PDE4D: variants seen among roughly 807,000 people sequenced by gnomAD.
The protein encoded by PDE4D is 3',5'-cyclic-AMP phosphodiesterase 4D.
Under a neutral mutation model 87.4 loss-of-function variants are expected in PDE4D, and 24 were observed. That is an observed-to-expected ratio of 0.27 (90% CI 0.20 to 0.39). PDE4D has a LOEUF of 0.39. Ranked by LOEUF, PDE4D falls within the 10% of genes least tolerant of loss-of-function variation. The pLI, the probability that PDE4D is intolerant of heterozygous loss-of-function variation, is 1.00. For missense variants in PDE4D, 714 were observed against 1,041.0 expected, an observed-to-expected ratio of 0.69 and a Z score of 4.32; for synonymous variants, 384 against 383.2, an observed-to-expected ratio of 1.00 and a Z score of -0.02.
chr5:60,337,351 C>CTATATATATATATATATATA (rs748923956), intron 1 of PDE4D, among the ~76,000 whole-genome samples: 16 of 62,248 alleles, frequency 2.6e-4, no homozygotes, highest in African/African-American at 2.9e-4. Context: ...AACAAACAAA[C>CTATATATATATATATATATA]TATATATATA....
At chr5:59,504,264 T>G (rs113412468) in intron 1 of PDE4D, among the ~76,000 whole-genome samples, 5,344 of 152,296 alleles carry the variant, frequency 0.035, 161 homozygotes, top group Admixed American at 0.083. Flanking sequence ...TTTCATAATA[T>G]AGTTGAACAA....
intron 2 of PDE4D, among the ~76,000 whole-genome samples, chr5:60,157,511 C>T (rs992888475): frequency 6.6e-6 from 1 of 152,056 alleles, no homozygotes; most frequent in African/African-American, 2.4e-5. Flanking sequence ...GAGGAGGGTG[C>T]TATTTCAGAC....
At chr5:60,196,241 A>G (rs376865395) in intron 1 of PDE4D, among the ~76,000 whole-genome samples, 3 of 151,818 alleles carry the variant, frequency 2.0e-5, no homozygotes, top group East Asian at 3.9e-4. Context: ...GGCACAGTTC[A>G]GTCATTGAGC....
intron 1 of PDE4D, among the ~76,000 whole-genome samples, chr5:59,455,210 C>T (rs1799733394): frequency 6.6e-6 from 1 of 152,210 alleles, no homozygotes; most frequent in East Asian, 1.9e-4. Context: ...TTCATGGCAG[C>T]CCCTCTCATC....
intron 1 of PDE4D, among the ~76,000 whole-genome samples, chr5:59,812,672 C>CA (rs34526503): frequency 0.25 from 34,808 of 138,172 alleles, 4,660 homozygotes; most frequent in Admixed American, 0.35. Flanking sequence ...GACTCCATCT[C>CA]AAAAAAAAAA....
At chr5:60,355,692 T>C (rs912303729) in intron 1 of PDE4D, among the ~76,000 whole-genome samples, 17 of 151,784 alleles carry the variant, frequency 1.1e-4, no homozygotes, top group Non-Finnish European at 2.1e-4. Context: ...TTTTGTATAT[T>C]ATATATATAT....
In PDE4D at chr5:60,049,265, T is replaced by G. The variant is rs571834612; in HGVS notation, c.43-60548A>C. Among the ~76,000 whole-genome samples the G allele has an allele frequency of 8.5e-3, 1,299 of 152,330 alleles. 8 individuals carry two copies. The highest frequency in any genetic ancestry group is 0.015 in the Non-Finnish European group (993 of 68,024). ...TATTGGTTATTCTAGTTATACATTC[T>G]TCTCAATTTTTTTCAAAGTTTTCAA... On this transcript the variant is annotated intron_variant, in intron 2 of 16. Transcript: ENST00000502484.
chr5:59,759,188 G>A (rs566069756), intron 1 of PDE4D, among the ~76,000 whole-genome samples: 1 of 152,166 alleles, frequency 6.6e-6, no homozygotes, highest in African/African-American at 2.4e-5. Flanking sequence ...TTAGTTATCT[G>A]AATACATAGG....
intron 1 of PDE4D, among the ~76,000 whole-genome samples, chr5:59,727,040 G>C (rs1040027053): frequency 1.3e-5 from 2 of 151,900 alleles, no homozygotes; most frequent in African/African-American, 4.8e-5. Flanking sequence ...CAAAACATAC[G>C]ATATATAATA....
At chr5:59,739,779 A>G (rs1758587287) in intron 1 of PDE4D, among the ~76,000 whole-genome samples, 1 of 152,166 alleles carries the variant, frequency 6.6e-6, no homozygotes, top group Non-Finnish European at 1.5e-5. Context: ...TCCAGGATTG[A>G]CCTTCAAGTA....
At chr5:59,781,363 C>G (rs1764607920) in intron 1 of PDE4D, among the ~76,000 whole-genome samples, 1 of 152,102 alleles carries the variant, frequency 6.6e-6, no homozygotes, top group Non-Finnish European at 1.5e-5. Flanking sequence ...TTTGCTGCAT[C>G]TGGAAAGTCT....
intron 1 of PDE4D, among the ~76,000 whole-genome samples, chr5:59,803,630 GATTCTGGCACTCCAGGTA>G (rs144045458): frequency 0.024 from 3,708 of 152,248 alleles, 154 homozygotes; most frequent in African/African-American, 0.084. Context: ...CACTTCAGGG[GATTCTGGCACTCCAGGTA>G]ATTCTGATGC....
At chr5:60,277,479 T>C (rs1435924179) in intron 1 of PDE4D, among the ~76,000 whole-genome samples, 1 of 152,066 alleles carries the variant, frequency 6.6e-6, no homozygotes, top group Non-Finnish European at 1.5e-5. Context: ...AAACAAGAAA[T>C]CAAGGAAACC....
chr5:60,199,721 A>G (rs1037261793), intron 1 of PDE4D, among the ~76,000 whole-genome samples: 4 of 151,772 alleles, frequency 2.6e-5, no homozygotes, highest in Non-Finnish European at 5.9e-5. Flanking sequence ...AAGTAGCTGA[A>G]TGAAAGAAAC....
chr5:59,664,651 A>AT (rs1745776785), intron 1 of PDE4D, among the ~76,000 whole-genome samples: 1 of 152,182 alleles, frequency 6.6e-6, no homozygotes, highest in African/African-American at 2.4e-5. Flanking sequence ...AGGTTTTCTG[A>AT]TTTTTTAAAA....
intron 1 of PDE4D, among the ~76,000 whole-genome samples, chr5:60,255,311 G>C (rs1195092430): frequency 6.6e-6 from 1 of 151,878 alleles, no homozygotes; most frequent in Non-Finnish European, 1.5e-5. Flanking sequence ...GATGGCTGCA[G>C]AGTTCAGGGT....
At chr5:59,960,313 A>T (rs1473854405) in intron 3 of PDE4D, among the ~76,000 whole-genome samples, 1 of 152,214 alleles carries the variant, frequency 6.6e-6, no homozygotes, top group Non-Finnish European at 1.5e-5. Flanking sequence ...AACTAAAATT[A>T]GACCTACCAT....
intron 2 of PDE4D, among the ~76,000 whole-genome samples, chr5:60,082,722 A>C (rs1774088897): frequency 6.6e-6 from 1 of 152,134 alleles, no homozygotes; most frequent in Non-Finnish European, 1.5e-5. Flanking sequence ...AATGAGGTGG[A>C]ATGTCACATA....
chr5:59,510,150 A>C (rs114218547), intron 1 of PDE4D, among the ~76,000 whole-genome samples: 6 of 150,614 alleles, frequency 4.0e-5, no homozygotes, highest in African/African-American at 1.5e-4. Flanking sequence ...ATAACACTTG[A>C]GTGAGAGAAG....
Sources: gnomAD v4.1 joint callset for allele counts (sites outside exome capture counted in the v4.1 genomes callset) on GRCh38, gnomAD v4.1.1 for gene constraint, MANE v1.5 for transcripts, NCBI Gene and HGNC (gene_info 2026-07-23, HGNC 2026-07-21) for gene names.